POLR3E: variants seen among roughly 807,000 people sequenced by gnomAD.
POLR3E encodes the protein DNA-directed RNA polymerase III subunit RPC5.
Under a neutral mutation model 96.6 loss-of-function variants are expected in POLR3E, and 41 were observed. The observed-to-expected ratio is 0.42, with a 90% CI of 0.33 to 0.55. The LOEUF (loss-of-function observed/expected upper bound fraction) is 0.55, where lower values mean the gene tolerates loss of function less well. Ranked by LOEUF, POLR3E falls within the 20% of genes least tolerant of loss-of-function variation. The pLI is 0.06. For synonymous variants in POLR3E, 396 were observed against 383.6 expected (o/e 1.03, Z -0.38); for missense variants, 849 against 952.1 (o/e 0.89, Z 1.43).
In POLR3E at chr16:22,326,127, GAC is replaced by G; in HGVS notation, c.1717_1718del (p.Gln573ValfsTer60). The G allele has an allele frequency of 6.2e-7, 1 of 1,613,994 alleles. No individual in the cohort carries two copies. The highest frequency in any genetic ancestry group is 8.5e-7 in the Non-Finnish European group (1 of 1,180,020). On this transcript the variant is annotated frameshift_variant, in exon 18 of 21. Transcript: ENST00000299853. LOFTEE classifies it high-confidence loss of function. ...GCCTTCGTGGAGGCCACCTTTCAGA[GAC>G]AGTTTGTGCTCACGCTGAGCGAACT...
At chr16:22,308,850 G>T in intron 4 of POLR3E, 75 bp from the exon 5 acceptor site, 1 of 942,742 alleles carries the variant, frequency 1.1e-6, no homozygotes, top group Non-Finnish European at 1.7e-6. Context: ...AGGTGGCCAT[G>T]GTGGGGTTGG....
intron 16 of POLR3E, 69 bp downstream of exon 16, chr16:22,324,729 C>T: frequency 6.6e-7 from 1 of 1,526,468 alleles, no homozygotes; most frequent in Non-Finnish European, 9.1e-7. Flanking sequence ...GGAGCACTGT[C>T]AGGGTGGATC....
chr16:22,329,678 C>T (rs1445709465), intron 19 of POLR3E, among the ~76,000 whole-genome samples: 2 of 151,764 alleles, frequency 1.3e-5, no homozygotes, highest in Non-Finnish European at 2.9e-5. Context: ...AACAAAAAGG[C>T]AAAAAAACAA....
chr16:22,330,058 G>GT (rs201506303), intron 19 of POLR3E, among the ~76,000 whole-genome samples: 14,011 of 142,600 alleles, frequency 0.098, 1,466 homozygotes, highest in African/African-American at 0.27. Flanking sequence ...TGTTACGCCA[G>GT]TTTTTTTTTT....
chr16:22,314,108 G>A lies in POLR3E; in HGVS notation c.502G>A (p.Asp168Asn), dbSNP rs990848535. 1.2e-6 allele frequency: 2 copies of A among 1,613,974 alleles called. No individual in the cohort carries two copies. Among genetic ancestry groups the A allele is most frequent in the Non-Finnish European group, 1.7e-6 (2 of 1,179,924 alleles). ...AGDSSQDEAE[D>N]DVKQITVRFS... Reference sequence around the variant, plus strand: ...GGACTCTTCACAGGATGAGGCGGAAGACGATGTTAAGCAGATCACGGTGAG... The same window carrying A: ...GGACTCTTCACAGGATGAGGCGGAAAACGATGTTAAGCAGATCACGGTGAG... The change falls in exon 8 of 21, where the codon GAC (aspartate) becomes AAC (asparagine). Residue 168 changes from aspartate to asparagine, a missense_variant. Physicochemically the swap from Asp to Asn is conservative, Grantham distance 23. Transcript: ENST00000299853.
At chr16:22,307,775 C>T (rs954749469) in intron 3 of POLR3E, among the ~76,000 whole-genome samples, 3 of 152,186 alleles carry the variant, frequency 2.0e-5, no homozygotes, top group African/African-American at 7.2e-5. Flanking sequence ...TCGTCCTTCT[C>T]TCCCCGGATG....
rs1311147641 is a variant in POLR3E at position 22,310,932 on chromosome 16, A to G, written c.364+1422A>G. On this transcript the variant is annotated intron_variant, in intron 6 of 20. Coordinates refer to ENST00000299853, the MANE Select transcript of POLR3E (RefSeq NM_018119.4). The stretch of plus-strand genomic sequence containing the variant: ...GCAAGACTCTGTCTTGAAAAAAAGC[A>G]TATACAATAAAGATATATTTTTCAT... Among the ~76,000 whole-genome samples the G allele has an allele frequency of 2.0e-5, 3 of 152,300 alleles. No homozygotes were observed. In the East Asian group the frequency reaches 5.8e-4, roughly 29 times the overall value.
rs187337237 is a variant in POLR3E at position 22,297,757 on chromosome 16, C to T, written c.-39+220C>T. Among the ~76,000 whole-genome samples the T allele has an allele frequency of 5.6e-3, 860 of 152,350 alleles. 6 individuals carry two copies. Among genetic ancestry groups the T allele is most frequent in the Non-Finnish European group, 9.0e-3 (615 of 68,038 alleles). Reference sequence around the variant, plus strand: ...CCTGACACCTGGGAGTTGGGGAGGCCGCGGCCGACGCTGGCGGCGGTGACT... The same window carrying T: ...CCTGACACCTGGGAGTTGGGGAGGCTGCGGCCGACGCTGGCGGCGGTGACT... On this transcript the variant is annotated intron_variant, in intron 1 of 20. Coordinates refer to ENST00000299853, the MANE Select transcript of POLR3E (RefSeq NM_018119.4).
chr16:22,332,069 G>A lies in POLR3E; in HGVS notation c.1954G>A (p.Val652Ile). 3 of 1,613,496 alleles carry A rather than the reference G, an allele frequency of 1.9e-6. No homozygotes were observed. The highest frequency in any genetic ancestry group is 2.5e-6 in the Non-Finnish European group (3 of 1,179,716). Residue 652 changes from valine (V) to isoleucine (I), a missense_variant, in exon 20 of 21, where the codon GTT becomes ATT. Val to Ile is a conservative substitution (Grantham distance 29). Transcript: ENST00000299853. ...SGDMSDQHRQ[V>I]LLEIFSKNYR... ...GTTTTTGCTACTAAAGCATCGACAG[G>A]TTTTGCTTGAAATTTTTTCCAAAAA...
At chr16:22,300,682 C>T (rs1454345613) in intron 1 of POLR3E, among the ~76,000 whole-genome samples, 3 of 152,228 alleles carry the variant, frequency 2.0e-5, no homozygotes, top group African/African-American at 4.8e-5. Flanking sequence ...TCGAGATGCA[C>T]TGAAACTGTC....
chr16:22,314,475 C>T (rs755562526), intron 8 of POLR3E, among the ~76,000 whole-genome samples: 3 of 152,116 alleles, frequency 2.0e-5, no homozygotes, highest in Non-Finnish European at 1.5e-5. Flanking sequence ...TTATGGGGCA[C>T]GGATGAATAG....
At chr16:22,325,470 G>A (rs187763875) in intron 17 of POLR3E, 13 of 617,592 alleles carry the variant, frequency 2.1e-5, no homozygotes, top group Admixed American at 2.0e-4. Flanking sequence ...GGAGGCTTGC[G>A]GATTCCAGGG....
At chr16:22,311,268 CTTTTT>C (rs57435708) in intron 6 of POLR3E, among the ~76,000 whole-genome samples, 1 of 109,422 alleles carries the variant, frequency 9.1e-6, no homozygotes, top group Admixed American at 1.1e-4. Flanking sequence ...TGTGCCCAGC[CTTTTT>C]TTTTTTTTTT....
chr16:22,316,545 G>A lies in POLR3E; in HGVS notation c.643-56G>A. 13 of 1,393,104 alleles carry A rather than the reference G, an allele frequency of 9.3e-6. No individual in the cohort carries two copies. The Admixed American group carries it at 1.4e-4, about 15-fold the overall frequency. The allele number at this position is 1,393,104 out of a possible 1,614,324, so 86.3% of individuals were successfully genotyped here. ...AAGACGGGAGGCCTTGGGGGAGGGG[G>A]CCCAGGCCAGGGCCATCAGCTGAGG... is the stretch of plus-strand genomic sequence containing the variant. On this transcript the variant is annotated intron_variant, in intron 9 of 20. Coordinates refer to ENST00000299853, the MANE Select transcript of POLR3E (RefSeq NM_018119.4).
intron 2 of POLR3E, among the ~76,000 whole-genome samples, chr16:22,304,196 CA>C (rs1013870588): frequency 6.6e-6 from 1 of 152,122 alleles, no homozygotes; most frequent in Non-Finnish European, 1.5e-5. Flanking sequence ...CTTTGGAAGG[CA>C]AAAGGCAAAA....
rs2048751913 is a variant in POLR3E at position 22,332,050 on chromosome 16, G to A, written c.1945-10G>A. The A allele has an allele frequency of 3.1e-6, 5 of 1,611,264 alleles. No individual in the cohort carries two copies. The highest frequency in any genetic ancestry group is 4.2e-6 in the Non-Finnish European group (5 of 1,178,826). On this transcript the variant is annotated splice_polypyrimidine_tract_variant and intron_variant, in intron 19 of 20. Coordinates refer to ENST00000299853, the MANE Select transcript of POLR3E (RefSeq NM_018119.4). ...CTGTTTCCCATCATAACGTGTTTTT[G>A]CTACTAAAGCATCGACAGGTTTTGC...
chr16:22,333,503 A>C, intron 20 of POLR3E, 141 bp from the exon 21 acceptor site: 1 of 601,698 alleles, frequency 1.7e-6, no homozygotes, highest in Non-Finnish European at 3.0e-6. Flanking sequence ...GGTAGTAGCC[A>C]TGGTGGTATG....
Sources: gnomAD v4.1 joint callset for allele counts (sites outside exome capture counted in the v4.1 genomes callset) on GRCh38, gnomAD v4.1.1 for gene constraint, MANE v1.5 for transcripts, NCBI Gene and HGNC (gene_info 2026-07-23, HGNC 2026-07-21) for gene names.